Variants in CEP104 observed in about 807,000 individuals in gnomAD.
CEP104 encodes centrosomal protein 104.
A neutral mutation model predicts 113.3 loss-of-function variants in CEP104; 84 were observed. The observed-to-expected ratio is 0.74, with a 90% CI of 0.62 to 0.89. The LOEUF is 0.89. Ranked by LOEUF, CEP104 falls within the 40% of genes least tolerant of loss-of-function variation. The probability of loss-of-function intolerance (pLI) is 0.00; values close to 1 mark genes in which losing one functional copy is unlikely to be tolerated. For synonymous variants in CEP104, 378 were observed against 421.7 expected (o/e 0.90, Z 1.27); for missense variants, 1,053 against 1,156.6 (o/e 0.91, Z 1.30).
At chr1:3,852,504 G>GT in intron 1 of CEP104, 83 bp from the exon 2 acceptor site, 1 of 1,230,718 alleles carries the variant, frequency 8.1e-7, no homozygotes, top group South Asian at 1.5e-5. Context: ...TTCATGCCTT[G>GT]CTAACACACA....
intron 6 of CEP104, among the ~76,000 whole-genome samples, chr1:3,841,914 C>T (rs941874203): frequency 3.3e-5 from 5 of 152,198 alleles, no homozygotes; most frequent in African/African-American, 7.2e-5. Flanking sequence ...GGCAGAGCCC[C>T]AGCTGCGGTC....
At chr1:3,818,555 A>G (rs1337585516) in intron 20 of CEP104, among the ~76,000 whole-genome samples, 1 of 152,188 alleles carries the variant, frequency 6.6e-6, no homozygotes, top group Non-Finnish European at 1.5e-5. Flanking sequence ...CTCTCAACAG[A>G]GCAGCAAAAC....
chr1:3,816,346 G>A lies in CEP104; in HGVS notation c.2596C>T (p.Pro866Ser), dbSNP rs1643880405. 6.4e-7 allele frequency: 1 copy of A among 1,552,692 alleles called. No individual in the cohort carries two copies. ...EEAWKAHLMG[P>S]AGCTMNLRKT... ...CGCAGGTTCATCGTGCAGCCGGCTG[G>A]GCCCATCAGGTGAGCTTTCCATGCC... The change falls in exon 21 of 22, where the codon CCA becomes TCA. Residue 866 changes from proline to serine, a missense_variant. By Grantham distance (74) the Pro-to-Ser change is moderately conservative. Coordinates refer to ENST00000378230, the MANE Select transcript of CEP104 (RefSeq NM_014704.4).
chr1:3,816,101 C>A (rs1054036889), intron 21 of CEP104, 179 bp downstream of exon 21: 10 of 562,000 alleles, frequency 1.8e-5, no homozygotes, highest in Non-Finnish European at 3.1e-5. Flanking sequence ...ATTTTGGTCA[C>A]ACGATTCTGA....
At chr1:3,851,703 AG>A (rs1382272164) in intron 2 of CEP104, among the ~76,000 whole-genome samples, 1 of 152,218 alleles carries the variant, frequency 6.6e-6, no homozygotes, top group Non-Finnish European at 1.5e-5. Flanking sequence ...CTCAGGCTGG[AG>A]TGCATGGCTA....
rs1643849803 is a variant in CEP104, at chr1:3,814,813, T to C, written c.*589A>G. ...TCTCTTTTGCCTTTATTTCTTGCTA[T>C]AGTGGGAACGTGAGTTCTGCTACCT... is the stretch of plus-strand genomic sequence containing the variant. On this transcript the variant is annotated 3_prime_UTR_variant, in exon 22 of 22. Coordinates refer to ENST00000378230, the MANE Select transcript of CEP104 (RefSeq NM_014704.4). The C allele has an allele frequency of 6.6e-6, 1 of 152,304 alleles. No individual in the cohort carries two copies. Among genetic ancestry groups the C allele is most frequent in the Non-Finnish European group, 1.5e-5 (1 of 68,100 alleles). 9.4% of individuals were successfully genotyped at this position (152,304 alleles called of 1,614,324 possible).
intron 4 of CEP104, among the ~76,000 whole-genome samples, chr1:3,846,156 A>G (rs1644503319): frequency 6.6e-6 from 1 of 152,142 alleles, no homozygotes; most frequent in East Asian, 1.9e-4. Context: ...ACATAGCCTC[A>G]AAATGAGACA....
chr1:3,854,870 ATTT>A (rs36065862), intron 1 of CEP104, among the ~76,000 whole-genome samples: 2 of 122,978 alleles, frequency 1.6e-5, no homozygotes. Flanking sequence ...CAGTCTCCAA[ATTT>A]TTTTTTTTTT....
chr1:3,851,432 C>T lies in CEP104; in HGVS notation c.113+863G>A, dbSNP rs112757326. ...AATGCCATACATATTTACGCGTTCGCGGGTTAGGAATAAATAGTAACTTCT... is the reference window on the plus strand; with the variant it reads ...AATGCCATACATATTTACGCGTTCGTGGGTTAGGAATAAATAGTAACTTCT... On this transcript the variant is annotated intron_variant, in intron 2 of 21. Coordinates refer to ENST00000378230, the MANE Select transcript of CEP104 (RefSeq NM_014704.4). Among the ~76,000 whole-genome samples the T allele has an allele frequency of 5.1e-3, 775 of 152,084 alleles. 3 individuals are homozygous for T. Among genetic ancestry groups the T allele is most frequent in the African/African-American group, 0.018 (728 of 41,468 alleles).
intron 21 of CEP104, 122 bp from the exon 22 acceptor site, chr1:3,815,639 G>A (rs1243774260): frequency 1.1e-5 from 7 of 645,790 alleles, no homozygotes; most frequent in Admixed American, 3.1e-5. Flanking sequence ...GCCGTCACCC[G>A]ACTACAGGAG....
intron 2 of CEP104, among the ~76,000 whole-genome samples, 171 bp from the exon 3 acceptor site, chr1:3,848,952 G>A (rs111275066): frequency 5.9e-5 from 9 of 152,270 alleles, no homozygotes; most frequent in East Asian, 1.9e-4. Context: ...CTGTTCTCTC[G>A]AGCTTTTCTT....
At chr1:3,853,324 A>G (rs555942938) in intron 1 of CEP104, among the ~76,000 whole-genome samples, 24 of 152,026 alleles carry the variant, frequency 1.6e-4, no homozygotes. Flanking sequence ...TTGCTCAGGG[A>G]CTCTGGGTTA....
chr1:3,828,175 G>A (rs1644129718), intron 15 of CEP104, among the ~76,000 whole-genome samples: 1 of 152,186 alleles, frequency 6.6e-6, no homozygotes, highest in African/African-American at 2.4e-5. Flanking sequence ...CCTGGCAATG[G>A]GCTTAGTACA....
At chr1:3,829,428 C>G in intron 14 of CEP104, 55 bp from the exon 15 acceptor site, 1 of 1,282,138 alleles carries the variant, frequency 7.8e-7, no homozygotes, top group Non-Finnish European at 1.1e-6. Flanking sequence ...ATCTTAGAAA[C>G]TGGGAGACAA....
intron 20 of CEP104, among the ~76,000 whole-genome samples, chr1:3,818,409 C>G (rs532836798): frequency 1.3e-5 from 2 of 152,322 alleles, no homozygotes; most frequent in African/African-American, 2.4e-5. Flanking sequence ...GATTCCTGAC[C>G]GCAGTTACTT....
intron 2 of CEP104, among the ~76,000 whole-genome samples, chr1:3,851,234 A>G (rs1417970095): frequency 6.6e-6 from 1 of 151,924 alleles, no homozygotes; most frequent in Non-Finnish European, 1.5e-5. Context: ...TTCATTTCTC[A>G]GTTCATTCAG....
At chr1:3,836,794 C>A (rs1644323927) in intron 9 of CEP104, 102 bp from the exon 10 acceptor site, 9 of 916,698 alleles carry the variant, frequency 9.8e-6, no homozygotes, top group South Asian at 3.1e-5. Flanking sequence ...CTTACCTGAT[C>A]TGAAAGATGT....
intron 1 of CEP104, among the ~76,000 whole-genome samples, chr1:3,855,484 C>T (rs1644701414): frequency 6.6e-6 from 1 of 151,996 alleles, no homozygotes; most frequent in Non-Finnish European, 1.5e-5. Flanking sequence ...CTGAACCTAA[C>T]CAACACTCTC....
intron 1 of CEP104, among the ~76,000 whole-genome samples, chr1:3,855,102 C>G (rs1464638563): frequency 1.3e-5 from 2 of 151,050 alleles, no homozygotes; most frequent in Non-Finnish European, 1.5e-5. Context: ...GAACTCCTGA[C>G]CTTAGGTGAT....
Sources: gnomAD v4.1 joint callset for allele counts (sites outside exome capture counted in the v4.1 genomes callset) on GRCh38, gnomAD v4.1.1 for gene constraint, MANE v1.5 for transcripts, NCBI Gene and HGNC (gene_info 2026-07-23, HGNC 2026-07-21) for gene names.